Variants in CACNG6 observed in about 807,000 individuals in gnomAD.
CACNG6 encodes calcium voltage-gated channel auxiliary subunit gamma 6.
CACNG6 carries 21 observed loss-of-function variants against 23.9 expected under a neutral mutation model. The observed-to-expected ratio is 0.88, with a 90% CI of 0.62 to 1.26. The LOEUF is 1.26. Ranked by LOEUF, CACNG6 falls within the 50% of genes most tolerant of loss-of-function variation. The pLI is 0.00. For missense variants in CACNG6, 340 were observed against 352.9 expected, an observed-to-expected ratio of 0.96 and a Z score of 0.29; for synonymous variants, 182 against 168.9, an observed-to-expected ratio of 1.08 and a Z score of -0.60.
rs764003596 is a variant in CACNG6, at chr19:54,011,939, T to C, written c.545-12T>C. The C allele has an allele frequency of 2.0e-6, 3 of 1,474,884 alleles. No homozygotes were observed. The highest frequency in any genetic ancestry group is 2.8e-5 in the South Asian group (2 of 70,882). 91.4% of individuals were successfully genotyped at this position (1,474,884 alleles called of 1,614,324 possible). Reference sequence around the variant, plus strand: ...GCGGGCGTCTGACTGCGAGCTGTCCTCTCTCCCGCAGGCCTGCTGCTCTTG... The same window carrying C: ...GCGGGCGTCTGACTGCGAGCTGTCCCCTCTCCCGCAGGCCTGCTGCTCTTG... On this transcript the variant is annotated splice_polypyrimidine_tract_variant and intron_variant, in intron 3 of 3. Transcript: ENST00000252729.
intron 3 of CACNG6, among the ~76,000 whole-genome samples, chr19:54,005,053 A>G (rs2069625340): frequency 6.6e-6 from 1 of 151,096 alleles, no homozygotes; most frequent in Admixed American, 6.6e-5. Flanking sequence ...CTACTAAAAT[A>G]CAAAAATCAG....
chr19:54,011,202 AAAAATATAT>A (rs1394991049), intron 3 of CACNG6, among the ~76,000 whole-genome samples: 5 of 112,526 alleles, frequency 4.4e-5, no homozygotes, highest in Middle Eastern at 4.1e-3. Flanking sequence ...AAAAAAAAAA[AAAAATATAT>A]ATATATATAT....
chr19:54,010,177 C>T (rs2069691265), intron 3 of CACNG6, among the ~76,000 whole-genome samples: 3 of 151,640 alleles, frequency 2.0e-5, no homozygotes, highest in East Asian at 2.0e-4. Context: ...CACACCACCA[C>T]GCCCAGCTAA....
chr19:54,001,900 G>A (rs1441847533), intron 3 of CACNG6, among the ~76,000 whole-genome samples: 1 of 152,140 alleles, frequency 6.6e-6, no homozygotes, highest in Non-Finnish European at 1.5e-5. Context: ...CCATGTAATT[G>A]GGGCAAACCT....
At position 54,009,727 on chromosome 19, in the gene CACNG6, C is replaced by T. The variant is rs74490814; in HGVS notation, c.545-2224C>T. Among the ~76,000 whole-genome samples, 10 of 151,506 alleles carry T rather than the reference C, an allele frequency of 6.6e-5. No individual in the cohort carries two copies. The South Asian group carries it at 1.5e-3, about 22-fold the overall frequency. ...ATCTCCAAGTAATATATAAGCTCCA[C>T]GAGGGTAGGGTCTTTCTCTATCATG... On this transcript the variant is annotated intron_variant, in intron 3 of 3. Coordinates refer to ENST00000252729, the MANE Select transcript of CACNG6 (RefSeq NM_145814.2).
chr19:54,011,227 T>TACAC lies in CACNG6; in HGVS notation c.545-708_545-705dup, dbSNP rs1555819814. Among the ~76,000 whole-genome samples the TACAC allele has an allele frequency of 8.8e-4, 84 of 95,282 alleles. 2 individuals are homozygous for TACAC. The highest frequency in any genetic ancestry group is 3.4e-3 in the African/African-American group (58 of 17,290). 62.5% of individuals were successfully genotyped at this position (95,282 alleles called of 152,430 possible). ...AAAAATATATATATATATATATATA[T>TACAC]ACACACACACACACACACAAAAATT... On this transcript the variant is annotated intron_variant, in intron 3 of 3. Transcript: ENST00000252729.
intron 3 of CACNG6, among the ~76,000 whole-genome samples, chr19:54,007,977 C>T (rs1214034056): frequency 2.0e-5 from 3 of 152,050 alleles, no homozygotes; most frequent in African/African-American, 4.8e-5. Context: ...TTTTCCACCT[C>T]CCGTTCTGTA....
rs562169023 is a variant in CACNG6, at chr19:54,003,870, T to A, written c.544+4099T>A. Among the ~76,000 whole-genome samples, 123 of 152,220 alleles carry A rather than the reference T, an allele frequency of 8.1e-4. 1 individual carries two copies. The highest frequency in any genetic ancestry group is 1.9e-3 in the South Asian group (9 of 4,814). The stretch of plus-strand genomic sequence containing the variant: ...ATACTTCTATTTTTTTAATTTTAAA[T>A]TTTTTAAGACAGGGTCTGGCTCTGT... On this transcript the variant is annotated intron_variant, in intron 3 of 3. Transcript: ENST00000252729.
At chr19:54,007,866 C>T (rs530243113) in intron 3 of CACNG6, among the ~76,000 whole-genome samples, 3 of 151,466 alleles carry the variant, frequency 2.0e-5, no homozygotes, top group African/African-American at 7.3e-5. Context: ...CGCCACTGCA[C>T]TCCAGCCTGG....
rs145624676 is a variant in CACNG6 at position 53,996,413 on chromosome 19, G to A, written c.332-1826G>A. ...TCTCTCTCTCTCTTTTTTTTTTTGA[G>A]ATGTAGTCTTGCTCTGTCACCCATG... On this transcript the variant is annotated intron_variant, in intron 1 of 3. Coordinates refer to ENST00000252729, the MANE Select transcript of CACNG6 (RefSeq NM_145814.2). 5.7e-3 allele frequency among the ~76,000 whole-genome samples: 755 copies of A among 132,178 alleles called. 19 individuals are homozygous for A. The East Asian group carries it at 0.061, about 11-fold the overall frequency. 86.7% of individuals were successfully genotyped at this position (132,178 alleles called of 152,430 possible). A position where few individuals can be genotyped will look rare whatever the true frequency, so the allele number is the denominator to read the frequency against.
chr19:54,000,294 T>C (rs921676095), intron 3 of CACNG6, among the ~76,000 whole-genome samples: 3 of 152,160 alleles, frequency 2.0e-5, no homozygotes, highest in South Asian at 2.1e-4. Flanking sequence ...TTAAGCACTA[T>C]AGCGTGTTGA....
At chr19:54,007,480 C>T (rs759718928) in intron 3 of CACNG6, among the ~76,000 whole-genome samples, 1 of 152,212 alleles carries the variant, frequency 6.6e-6, no homozygotes, top group South Asian at 2.1e-4. Flanking sequence ...TGATAATTGT[C>T]CATCTCTCCT....
intron 2 of CACNG6, among the ~76,000 whole-genome samples, chr19:53,998,839 C>T (rs1383545679): frequency 6.6e-6 from 1 of 151,786 alleles, no homozygotes; most frequent in Non-Finnish European, 1.5e-5. Context: ...CCATCTCTGC[C>T]TATGCCACGT....
chr19:54,006,847 T>TTA (rs2069653247), intron 3 of CACNG6, among the ~76,000 whole-genome samples: 1 of 11,820 alleles, frequency 8.5e-5, no homozygotes, highest in Admixed American at 1.1e-3. Context: ...CTTTTTTTTA[T>TTA]TTTGTTATTT....
chr19:54,012,110 C>T lies in CACNG6; in HGVS notation c.704C>T (p.Ala235Val). 2 of 1,567,062 alleles carry T rather than the reference C, an allele frequency of 1.3e-6. No homozygotes were observed. The highest frequency in any genetic ancestry group is 2.4e-5 in the East Asian group (1 of 42,064). ...VGAGLILLLG[A>V]GCFLLLTLPS... Reference sequence around the variant, plus strand: ...GCCGGCCTGATCCTGCTGTTGGGGGCCGGCTGCTTTCTGCTGCTCACACTG... The same window carrying T: ...GCCGGCCTGATCCTGCTGTTGGGGGTCGGCTGCTTTCTGCTGCTCACACTG... Residue 235 changes from alanine to valine, a missense_variant, in exon 4 of 4, where the codon GCC becomes GTC. By Grantham distance (64) the Ala-to-Val change is moderately conservative. Coordinates refer to ENST00000252729, the MANE Select transcript of CACNG6 (RefSeq NM_145814.2).
chr19:53,992,977 G>A lies in CACNG6; in HGVS notation c.100G>A (p.Glu34Lys), dbSNP rs1456951506. The change falls in exon 1 of 4, where the codon GAG becomes AAG. Residue 34 changes from glutamate (E) to lysine (K), a missense_variant. By Grantham distance (56) the Glu-to-Lys change is moderately conservative. Transcript: ENST00000252729. This position sits in a 1 kb window ranked among gnomAD's most constrained non-coding sequence, Gnocchi z 4.1. ...HGQGRSGLTP[E>K]REGKVKLALL... ...GCAGGGCAGGTCGGGGCTGACGCCC[G>A]AGCGCGAGGGGAAGGTGAAGCTGGC... 5 of 1,433,478 alleles carry A rather than the reference G, an allele frequency of 3.5e-6. No homozygotes were observed. In the South Asian group the frequency reaches 7.5e-5, roughly 22 times the overall value. 88.8% of individuals were successfully genotyped at this position (1,433,478 alleles called of 1,614,324 possible).
intron 3 of CACNG6, among the ~76,000 whole-genome samples, chr19:54,010,710 G>A (rs987956455): frequency 2.6e-5 from 4 of 151,944 alleles, no homozygotes; most frequent in African/African-American, 9.7e-5. Context: ...GAGTAGCTGG[G>A]ACTACAAGCG....
rs1233527414 is a variant in CACNG6 at position 53,992,603 on chromosome 19, G to A, written c.-275G>A. On this transcript the variant is annotated 5_prime_UTR_variant, in exon 1 of 4. Coordinates refer to ENST00000252729, the MANE Select transcript of CACNG6 (RefSeq NM_145814.2). The surrounding 1 kb of genome is among the most constrained non-coding windows in gnomAD (Gnocchi z 4.1). ...GGGCCTTGTTTTTCCTCTGGGCCCC[G>A]TCTTCTTTGCCAAGTTCTTGAGGGC... 6.9e-6 allele frequency: 2 copies of A among 288,660 alleles called. No individual in the cohort carries two copies. The highest frequency in any genetic ancestry group is 6.4e-6 in the Non-Finnish European group (1 of 156,468). The allele number at this position is 288,660 out of a possible 1,614,324, so 17.9% of individuals were successfully genotyped here.
chr19:54,010,165 T>C (rs111878795), intron 3 of CACNG6, among the ~76,000 whole-genome samples: 6,922 of 150,342 alleles, frequency 0.046, 486 homozygotes, highest in African/African-American at 0.15. Context: ...GGATTACAGG[T>C]GCACACCACC....
Sources: gnomAD v4.1 joint callset for allele counts (sites outside exome capture counted in the v4.1 genomes callset) on GRCh38, gnomAD v4.1.1 for gene constraint, Gnocchi (gnomAD v3.1) non-coding constraint, MANE v1.5 for transcripts, NCBI Gene and HGNC (gene_info 2026-07-23, HGNC 2026-07-21) for gene names.